ZNF611: variants seen among roughly 807,000 people sequenced by gnomAD.
ZNF611 encodes the protein zinc finger protein 611.
Under a neutral mutation model 8.9 loss-of-function variants are expected in ZNF611, and 6 were observed. The ratio of observed to expected loss-of-function variants is 0.68; its 90% CI spans 0.37 to 1.34. The LOEUF (loss-of-function observed/expected upper bound fraction) is 1.34, where lower values mean the gene tolerates loss of function less well. ZNF611 is among the 40% of genes most tolerant of loss of function. ZNF611 has a pLI of 0.02. For missense variants in ZNF611, 874 were observed against 841.3 expected, an observed-to-expected ratio of 1.04 and a Z score of -0.48; for synonymous variants, 262 against 279.7, an observed-to-expected ratio of 0.94 and a Z score of 0.63.
intron 3 of ZNF611, among the ~76,000 whole-genome samples, chr19:52,718,758 A>G (rs2062334944): frequency 6.6e-6 from 1 of 152,168 alleles, no homozygotes; most frequent in African/African-American, 2.4e-5. Context: ...AGATCATGCC[A>G]TTGCACTACA....
intron 3 of ZNF611, among the ~76,000 whole-genome samples, chr19:52,719,917 C>T (rs1245561816): frequency 6.6e-6 from 1 of 152,190 alleles, no homozygotes; most frequent in Non-Finnish European, 1.5e-5. Flanking sequence ...TCCCTGCGGC[C>T]TTCCGCAGTG....
chr19:52,730,391 CAAAAA>C (rs1159350274), intron 1 of ZNF611, among the ~76,000 whole-genome samples: 117 of 73,562 alleles, frequency 1.6e-3, no homozygotes, highest in African/African-American at 4.5e-3. Flanking sequence ...GACTCCGTCT[CAAAAA>C]AAAAAAAAAA....
intron 4 of ZNF611, 41 bp downstream of exon 4, chr19:52,715,791 A>G: frequency 1.9e-6 from 3 of 1,603,476 alleles, no homozygotes; most frequent in Non-Finnish European, 2.5e-6. Context: ...CATTTCAGAA[A>G]CGAAAGACAC....
At chr19:52,716,038 G>A in intron 3 of ZNF611, 125 bp from the exon 4 acceptor site, 1 of 1,073,468 alleles carries the variant, frequency 9.3e-7, no homozygotes, top group Non-Finnish European at 1.4e-6. Context: ...CTGCACCAGA[G>A]ATCATGCAGA....
At position 52,714,157 on chromosome 19, in the gene ZNF611, C is replaced by G; in HGVS notation, c.64-16G>C. Reference sequence around the variant, plus strand: ...TCAAGCGTCCCTAAAATGAAACACACATTTCAACAAAACATTATGGAGTAA... The same window carrying G: ...TCAAGCGTCCCTAAAATGAAACACAGATTTCAACAAAACATTATGGAGTAA... On this transcript the variant is annotated splice_polypyrimidine_tract_variant and intron_variant, in intron 4 of 5. Transcript: ENST00000652185. 24 of 1,611,464 alleles carry G rather than the reference C, an allele frequency of 1.5e-5. No individual in the cohort carries two copies. Among genetic ancestry groups the G allele is most frequent in the Non-Finnish European group, 2.0e-5 (24 of 1,179,426 alleles).
rs543683511 is a variant in ZNF611 at position 52,718,669 on chromosome 19, G to A, written c.-19-2756C>T. On this transcript the variant is annotated intron_variant, in intron 3 of 5. Coordinates refer to ENST00000652185, the MANE Select transcript of ZNF611 (RefSeq NM_001161499.2). Reference sequence around the variant, plus strand: ...CAAAATTAGCCGGCCATGGTGGTGCGTGCCTCTAATCATAACTACTCAGGA... The same window carrying A: ...CAAAATTAGCCGGCCATGGTGGTGCATGCCTCTAATCATAACTACTCAGGA... Among the ~76,000 whole-genome samples, 116 of 151,042 alleles carry A rather than the reference G, an allele frequency of 7.7e-4. 1 individual carries two copies. Among genetic ancestry groups the A allele is most frequent in the African/African-American group, 2.6e-3 (108 of 41,152 alleles).
chr19:52,734,190 T>G (rs868304788), intron 1 of ZNF611, among the ~76,000 whole-genome samples: 3 of 143,210 alleles, frequency 2.1e-5, no homozygotes, highest in African/African-American at 5.3e-5. Context: ...TTCTTAGGTT[T>G]TTTTTTTTTT....
chr19:52,704,846 T>A lies in ZNF611; in HGVS notation c.*91A>T. On this transcript the variant is annotated 3_prime_UTR_variant, in exon 6 of 6. Coordinates refer to ENST00000652185, the MANE Select transcript of ZNF611 (RefSeq NM_001161499.2). ...TCACTCCCAAGTCTTGTCAGAAACC[T>A]TACATTTGTAAGCTTTCTCTCCAGT... The A allele has an allele frequency of 6.2e-7, 1 of 1,607,852 alleles. No homozygotes were observed. Among genetic ancestry groups the A allele is most frequent in the Admixed American group, 1.7e-5 (1 of 59,640 alleles).
chr19:52,715,831 C>T lies in ZNF611; in HGVS notation c.63+1G>A. 1.2e-6 allele frequency: 2 copies of T among 1,611,876 alleles called. No individual in the cohort carries two copies. The highest frequency in any genetic ancestry group is 1.7e-6 in the Non-Finnish European group (2 of 1,179,820). Reference sequence around the variant, plus strand: ...TAATCCACAGAGGAATATCACTTCACCTGAGGAAGAGCCATGCCTGGCTCC... The same window carrying T: ...TAATCCACAGAGGAATATCACTTCATCTGAGGAAGAGCCATGCCTGGCTCC... On this transcript the variant is annotated splice_donor_variant, in intron 4 of 5. Coordinates refer to ENST00000652185, the MANE Select transcript of ZNF611 (RefSeq NM_001161499.2). LOFTEE classifies it high-confidence loss of function.
At position 52,706,383 on chromosome 19, in the gene ZNF611, T is replaced by C. The variant is rs7507734; in HGVS notation, c.672A>G (p.Val224=). Residue 224 remains valine (V), a synonymous_variant, in exon 6 of 6, where the codon GTA becomes GTG. Coordinates refer to ENST00000652185, the MANE Select transcript of ZNF611 (RefSeq NM_001161499.2). ...ATTGGAAAGATTTTTCTCTCATGTG[T>C]ACTTCCTGTTTTTGTGGGAGTAATG... ...NSSLLPQKQE[V]HMREKSFQCN... 7.2e-4 allele frequency: 1,165 copies of C among 1,614,234 alleles called. 7 individuals carry two copies. In the African/African-American group the frequency reaches 0.013, roughly 19 times the overall value.
intron 3 of ZNF611, among the ~76,000 whole-genome samples, chr19:52,717,372 G>C (rs1479976949): frequency 6.6e-6 from 1 of 152,196 alleles, no homozygotes; most frequent in African/African-American, 2.4e-5. Flanking sequence ...AAGAAAGGCT[G>C]CTTGTCACTT....
chr19:52,730,762 T>C (rs929660218), intron 1 of ZNF611, among the ~76,000 whole-genome samples: 6 of 151,518 alleles, frequency 4.0e-5, no homozygotes, highest in Middle Eastern at 3.4e-3. Context: ...TTTTGTATTT[T>C]TAGTAGAGAC....
intron 3 of ZNF611, among the ~76,000 whole-genome samples, chr19:52,719,786 T>A (rs1467057858): frequency 2.0e-5 from 3 of 152,198 alleles, no homozygotes; most frequent in African/African-American, 7.2e-5. Flanking sequence ...TTTTTAGTAT[T>A]TATTGATCAT....
chr19:52,709,094 G>A (rs140186743), intron 5 of ZNF611, among the ~76,000 whole-genome samples: 1 of 152,178 alleles, frequency 6.6e-6, no homozygotes, highest in African/African-American at 2.4e-5. Context: ...TATGTTCCCT[G>A]GCCCGAATGT....
intron 3 of ZNF611, chr19:52,720,974 A>T (rs139615809): frequency 0.052 from 5,374 of 102,724 alleles, 337 homozygotes; most frequent in African/African-American, 0.19. Flanking sequence ...CCAGACGGGG[A>T]GGCCAGGCAG....
chr19:52,720,985 CG>C (rs2062355306), intron 3 of ZNF611: 1 of 128,078 alleles, frequency 7.8e-6, no homozygotes. Flanking sequence ...GGCCAGGCAG[CG>C]GTGCTCCTCA....
At chr19:52,722,425 TA>T (rs2062365730) in intron 3 of ZNF611, among the ~76,000 whole-genome samples, 1 of 152,078 alleles carries the variant, frequency 6.6e-6, no homozygotes, top group African/African-American at 2.4e-5. Context: ...TATTATGTAA[TA>T]ACAGAAAGTT....
chr19:52,715,685 G>C lies in ZNF611; in HGVS notation c.63+147C>G, dbSNP rs419167. 47 of 1,282,620 alleles carry C rather than the reference G, an allele frequency of 3.7e-5. 1 individual carries two copies. The South Asian group carries it at 4.4e-4, about 12-fold the overall frequency. The allele number at this position is 1,282,620 out of a possible 1,614,324, so 79.5% of individuals were successfully genotyped here. On this transcript the variant is annotated intron_variant, in intron 4 of 5. Coordinates refer to ENST00000652185, the MANE Select transcript of ZNF611 (RefSeq NM_001161499.2). ...TCACAGGAGATGGAATCTCAGAGCAGCTGAGAGGAACTGAGGGCAGGCATG... is the reference window on the plus strand; with the variant it reads ...TCACAGGAGATGGAATCTCAGAGCACCTGAGAGGAACTGAGGGCAGGCATG...
At chr19:52,709,202 A>C (rs1000243368) in intron 5 of ZNF611, among the ~76,000 whole-genome samples, 1 of 152,078 alleles carries the variant, frequency 6.6e-6, no homozygotes, top group Non-Finnish European at 1.5e-5. Context: ...GTGTTGACTA[A>C]TTATGAATAG....
Sources: allele counts gnomAD v4.1 joint callset (sites outside exome capture counted in the v4.1 genomes callset), GRCh38; gene constraint gnomAD v4.1.1; transcripts MANE v1.5; gene names NCBI Gene and HGNC (gene_info 2026-07-23, HGNC 2026-07-21).